Variants in MAP7D3 observed in about 807,000 individuals in gnomAD.
The protein encoded by MAP7D3 is MAP7 domain containing 3, also known as MAP7 domain-containing protein 3.
In MAP7D3, 45 loss-of-function variants were observed where a neutral mutation model predicts 62.2. That is an observed-to-expected ratio of 0.72 (90% CI 0.57 to 0.93). The LOEUF (loss-of-function observed/expected upper bound fraction) is 0.93. Ranked by LOEUF, MAP7D3 falls within the 40% of genes least tolerant of loss-of-function variation. The pLI is 0.00. For missense variants in MAP7D3, 711 were observed against 683.1 expected, an observed-to-expected ratio of 1.04 and a Z score of -0.45; for synonymous variants, 288 against 248.8, an observed-to-expected ratio of 1.16 and a Z score of -1.48.
At chrX:136,253,638 T>C (rs2074535178), upstream of MAP7D3, among the ~76,000 whole-genome samples, 1 of 111,965 alleles carries the variant, frequency 8.9e-6, no homozygotes. Context: ...GTACATGATA[T>C]TGTATCAAGG....
At chrX:136,251,678 C>A (rs2074516168), upstream of MAP7D3, 1 of 296,511 alleles carries the variant, frequency 3.4e-6, no homozygotes, top group Non-Finnish European at 4.6e-6. Context: ...CCTTTCTTCA[C>A]CTTTACCTAG....
Position 136,227,401 on chromosome X carries a change from C to T in MAP7D3, c.1917G>A (p.Lys639=). The T allele has an allele frequency of 9.2e-6, 11 of 1,198,850 alleles. No individual in the cohort carries two copies. The highest frequency in any genetic ancestry group is 1.2e-5 in the Non-Finnish European group (11 of 886,494). The change falls in exon 12 of 19, where the codon AAG becomes AAA. Residue 639 remains lysine, a synonymous_variant. Coordinates refer to ENST00000316077, the MANE Select transcript of MAP7D3 (RefSeq NM_024597.4). The part of the protein sequence containing the change: ...RVIKKSKDMA[K]EAVGGQAEDH... ...CTTCTGCTTGGCCTCCAACTGCTTC[C>T]TTTGCCATGTCTTTTGATTTCTTAA...
chrX:136,234,886 T>C lies in MAP7D3; in HGVS notation c.736+1358A>G, dbSNP rs762827317. On this transcript the variant is annotated intron_variant, in intron 7 of 18. Coordinates refer to ENST00000316077, the MANE Select transcript of MAP7D3 (RefSeq NM_024597.4). ...ATGAGAACAAATCCAAAGGATTCCATTGGAGGTCTCACAAATGCAAAGCAA... is the reference window on the plus strand; with the variant it reads ...ATGAGAACAAATCCAAAGGATTCCACTGGAGGTCTCACAAATGCAAAGCAA... Among the ~76,000 whole-genome samples, 6 of 111,560 alleles carry C rather than the reference T, an allele frequency of 5.4e-5. No individual in the cohort carries two copies. In the South Asian group the frequency reaches 1.5e-3, roughly 28 times the overall value.
At chrX:136,241,110 T>C in intron 5 of MAP7D3, 50 bp downstream of exon 5, 3 of 737,922 alleles carry the variant, frequency 4.1e-6, no homozygotes, top group Non-Finnish European at 6.2e-6. Context: ...ATAGCCAATA[T>C]TTAAACAAGA....
At chrX:136,248,781 AT>A (rs1444614020) in intron 1 of MAP7D3, among the ~76,000 whole-genome samples, 1 of 112,334 alleles carries the variant, frequency 8.9e-6, no homozygotes, top group Non-Finnish European at 1.9e-5. Context: ...GGACGTAATT[AT>A]TTTCCCCAAT....
At position 136,230,409 on chromosome X, in the gene MAP7D3, T is replaced by C. The variant is rs758175111; in HGVS notation, c.1726A>G (p.Ser576Gly). 1 of 1,197,384 alleles carries C rather than the reference T, an allele frequency of 8.4e-7. No homozygotes were observed. The highest frequency in any genetic ancestry group is 1.1e-6 in the Non-Finnish European group (1 of 883,963). The part of the protein sequence containing the change: ...SKTTNRCEAL[S>G]QRHMIYEESG... ...CCTTCATAGATCATATGCCTTTGGC[T>C]CAAAGCCTCACATCTGTTAGTGGTT... Residue 576 changes from serine (S) to glycine (G), a missense_variant, in exon 10 of 19, where the codon AGC (serine) becomes GGC (glycine). Physicochemically the swap from Ser to Gly is moderately conservative, Grantham distance 56. Coordinates refer to ENST00000316077, the MANE Select transcript of MAP7D3 (RefSeq NM_024597.4).
rs767984161 is a variant in MAP7D3 at position 136,234,192 on chromosome X, G to GA, written c.737-1973dup. On this transcript the variant is annotated intron_variant, in intron 7 of 18. Transcript: ENST00000316077. ...AGGAAAAAGTGAAGGGGAAAAAAAA[G>GA]AAAAAAAATCATAGGAACAATGCAT... Among the ~76,000 whole-genome samples, 389 of 108,711 alleles carry GA rather than the reference G, an allele frequency of 3.6e-3. 2 individuals carry two copies. The highest frequency in any genetic ancestry group is 0.012 in the African/African-American group (358 of 29,921). The allele number at this position is 108,711 out of a possible 115,157, so 94.4% of individuals were successfully genotyped here.
intron 11 of MAP7D3, 83 bp from the exon 12 acceptor site, chrX:136,227,514 T>C: frequency 1.6e-6 from 1 of 631,328 alleles, no homozygotes; most frequent in African/African-American, 2.2e-5. Context: ...ATAGTGAAAC[T>C]TCCTGTGTAT....
Position 136,222,395 on chromosome X carries a change from G to A in MAP7D3, c.2285C>T (p.Ser762Leu), listed in dbSNP as rs778861534. The change falls in exon 15 of 19, where the codon TCA becomes TTA. Residue 762 changes from serine (S) to leucine (L), a missense_variant and splice_region_variant. Physicochemically the swap from Ser to Leu is moderately radical, Grantham distance 145. Transcript: ENST00000316077. ...DKDSLNEMFP[S>L]AILNGTGSPT... ...CTAGCTCCTAAATGGTGACTAACCTGATGGAAACATTTCATTCAATGAGTC... is the reference window on the plus strand; with the variant it reads ...CTAGCTCCTAAATGGTGACTAACCTAATGGAAACATTTCATTCAATGAGTC... The A allele has an allele frequency of 2.6e-5, 31 of 1,201,144 alleles. No homozygotes were observed. In the Admixed American group the frequency reaches 6.6e-4, roughly 25 times the overall value.
chrX:136,232,670 G>C (rs758244950), intron 7 of MAP7D3, among the ~76,000 whole-genome samples: 16 of 112,376 alleles, frequency 1.4e-4, no homozygotes, highest in Admixed American at 3.8e-4. Context: ...TTTTAGAATA[G>C]AATGTAAGAA....
downstream of MAP7D3, among the ~76,000 whole-genome samples, chrX:136,216,460 G>T (rs1323353161): frequency 9.4e-5 from 10 of 106,647 alleles, no homozygotes; most frequent in East Asian, 2.0e-3. Context: ...AAAAAAGCCA[G>T]GTATGGTGCC....
chrX:136,223,035 T>C (rs975937235), intron 14 of MAP7D3, among the ~76,000 whole-genome samples: 2 of 110,778 alleles, frequency 1.8e-5, no homozygotes, highest in Admixed American at 9.6e-5. Flanking sequence ...AGAGACAAGG[T>C]CTCACTGTGT....
rs1361263388 is a variant in MAP7D3 at position 136,229,585 on chromosome X, C to A, written c.1750+800G>T. Reference sequence around the variant, plus strand: ...CCACATTATGGCCTATATATAAAAACGAACCTAAATCTTAGGAAAAACCTG... The same window carrying A: ...CCACATTATGGCCTATATATAAAAAAGAACCTAAATCTTAGGAAAAACCTG... On this transcript the variant is annotated intron_variant, in intron 10 of 18. Transcript: ENST00000316077. 3.6e-5 allele frequency among the ~76,000 whole-genome samples: 4 copies of A among 110,200 alleles called. 1 individual carries two copies. Among genetic ancestry groups the A allele is most frequent in the Admixed American group, 2.9e-4 (3 of 10,300 alleles).
In MAP7D3 at chrX:136,246,047, A is replaced by G; in HGVS notation, c.253+18T>C. 8.8e-7 allele frequency: 1 copy of G among 1,131,703 alleles called. No individual in the cohort carries two copies. The highest frequency in any genetic ancestry group is 1.2e-6 in the Non-Finnish European group (1 of 836,513). 93.3% of individuals were successfully genotyped at this position (1,131,703 alleles called of 1,213,427 possible). A position where few individuals can be genotyped will look rare whatever the true frequency, so the allele number is the denominator to read the frequency against. On this transcript the variant is annotated intron_variant, in intron 3 of 18. Coordinates refer to ENST00000316077, the MANE Select transcript of MAP7D3 (RefSeq NM_024597.4). The stretch of plus-strand genomic sequence containing the variant: ...AACACAATTCATTTTGATTTTTGAA[A>G]AAAGGTCTAAAATATACCGTCTTGC...
At chrX:136,231,049 A>G (rs1424828540) in intron 8 of MAP7D3, 83 bp from the exon 9 acceptor site, 5 of 708,212 alleles carry the variant, frequency 7.1e-6, no homozygotes, top group Non-Finnish European at 1.0e-5. Context: ...TTTGAAGAGA[A>G]AAACATTCTG....
At chrX:136,235,292 A>C (rs2074316522) in intron 7 of MAP7D3, among the ~76,000 whole-genome samples, 1 of 112,531 alleles carries the variant, frequency 8.9e-6, no homozygotes, top group African/African-American at 3.2e-5. Context: ...TGCTCCAATA[A>C]ATCTTCATGT....
In MAP7D3 at chrX:136,224,839, C is replaced by G; in HGVS notation, c.2181G>C (p.Val727=). 1 of 1,178,071 alleles carries G rather than the reference C, an allele frequency of 8.5e-7. No homozygotes were observed. The highest frequency in any genetic ancestry group is 3.0e-5 in the East Asian group (1 of 33,681). Residue 727 remains valine (V), a synonymous_variant, in exon 14 of 19, where the codon GTG becomes GTC. Transcript: ENST00000316077. The part of the protein sequence containing the change: ...EIMKRTRKTD[V]NASKVTETSS... ...GTATGGAGACTACCTTTGAGGCATT[C>G]ACATCTGTCTTTCTTGTCCGCTTCA...
At chrX:136,227,204 G>T in intron 12 of MAP7D3, 80 bp downstream of exon 12, 1 of 876,947 alleles carries the variant, frequency 1.1e-6, no homozygotes, top group African/African-American at 2.0e-5. Context: ...CTTTCTCAGA[G>T]ACAGAGATTT....
intron 16 of MAP7D3, among the ~76,000 whole-genome samples, chrX:136,220,260 A>C (rs2074109942): frequency 9.0e-6 from 1 of 111,475 alleles, no homozygotes; most frequent in Non-Finnish European, 1.9e-5. Flanking sequence ...GAGGTTCAAG[A>C]CCAGCCTGGC....
Sources: allele counts gnomAD v4.1 joint callset (sites outside exome capture counted in the v4.1 genomes callset), GRCh38; gene constraint gnomAD v4.1.1; transcripts MANE v1.5; gene names NCBI Gene and HGNC (gene_info 2026-07-23, HGNC 2026-07-21).